The following MROH2A variants were observed in gnomAD, a reference collection of about 807,000 sequenced individuals.
MROH2A encodes maestro heat-like repeat-containing protein family member 2A.
A neutral mutation model predicts 200.4 loss-of-function variants in MROH2A; 174 were observed. The observed-to-expected ratio is 0.87, with a 90% CI of 0.77 to 0.98. MROH2A has a LOEUF of 0.98. Ranked by LOEUF, MROH2A falls within the 50% of genes least tolerant of loss-of-function variation. The pLI is 0.00. For missense variants in MROH2A, 2,045 were observed against 2,139.6 expected, an observed-to-expected ratio of 0.96 and a Z score of 0.87; for synonymous variants, 829 against 840.4, an observed-to-expected ratio of 0.99 and a Z score of 0.23.
At chr2:233,817,900 G>T in intron 27 of MROH2A, 102 bp from the exon 28 acceptor site, 1 of 1,398,678 alleles carries the variant, frequency 7.1e-7, no homozygotes, top group South Asian at 1.4e-5. Context: ...GTGTTTCAGA[G>T]CAGGGTTTGC....
At chr2:233,799,672 G>A (rs372893841) in intron 12 of MROH2A, 108 bp from the exon 13 acceptor site, 2 of 1,380,500 alleles carry the variant, frequency 1.4e-6, no homozygotes, top group African/African-American at 1.4e-5. Flanking sequence ...AGTCCCTGAG[G>A]CCCCTTCTAG....
At chr2:233,827,870 C>T (rs1355827885) in intron 35 of MROH2A, among the ~76,000 whole-genome samples, 6 of 151,762 alleles carry the variant, frequency 4.0e-5, no homozygotes, top group Admixed American at 2.0e-4. Context: ...GGAATTTTCC[C>T]TGAAGAGCAT....
intron 11 of MROH2A, 65 bp from the exon 12 acceptor site, chr2:233,798,708 TG>T: frequency 8.4e-7 from 1 of 1,185,544 alleles, no homozygotes; most frequent in Non-Finnish European, 1.2e-6. Context: ...GGCCCTGATG[TG>T]GGACGAGCCA....
intron 23 of MROH2A, among the ~76,000 whole-genome samples, chr2:233,811,658 T>A (rs1401225828): frequency 6.6e-6 from 1 of 152,218 alleles, no homozygotes; most frequent in East Asian, 1.9e-4. Flanking sequence ...ACACAGCAAG[T>A]AGATGAGCAG....
At chr2:233,831,238 A>T (rs993219194) in intron 38 of MROH2A, among the ~76,000 whole-genome samples, 171 bp from the exon 39 acceptor site, 1 of 152,210 alleles carries the variant, frequency 6.6e-6, no homozygotes, top group African/African-American at 2.4e-5. Flanking sequence ...AGCCATGTTC[A>T]AGCTGGCAGG....
chr2:233,800,376 A>G, intron 14 of MROH2A, 61 bp downstream of exon 14: 1 of 958,652 alleles, frequency 1.0e-6, no homozygotes, highest in Non-Finnish European at 1.6e-6. Flanking sequence ...GGTGAACCAC[A>G]CATGCCCAGA....
At chr2:233,790,406 C>CCCTTCCTTCCTCCCCTCTTTTCTTCTCT (rs1701644560) in intron 5 of MROH2A, among the ~76,000 whole-genome samples, 7 of 122,224 alleles carry the variant, frequency 5.7e-5, no homozygotes, top group Middle Eastern at 8.3e-3. Flanking sequence ...CTCCATCCCA[C>CCCTTCCTTCCTCCCCTCTTTTCTTCTCT]CCTTCCTTCC....
intron 11 of MROH2A, among the ~76,000 whole-genome samples, chr2:233,798,396 G>A (rs986880301): frequency 6.6e-6 from 1 of 152,184 alleles, no homozygotes; most frequent in African/African-American, 2.4e-5. Flanking sequence ...CCCAGGGAAG[G>A]CCTGGTGTCA....
intron 11 of MROH2A, 61 bp from the exon 12 acceptor site, chr2:233,798,713 C>A: frequency 8.0e-7 from 1 of 1,257,250 alleles, no homozygotes; most frequent in Non-Finnish European, 1.1e-6. Flanking sequence ...TGATGTGGGA[C>A]GAGCCACCTG....
At chr2:233,802,870 G>T (rs1702556781) in intron 15 of MROH2A, among the ~76,000 whole-genome samples, 1 of 152,238 alleles carries the variant, frequency 6.6e-6, no homozygotes, top group African/African-American at 2.4e-5. Context: ...GCAAAGGGCA[G>T]AGCCTGCTCT....
chr2:233,830,349 C>T (rs908954120), intron 38 of MROH2A, among the ~76,000 whole-genome samples: 22 of 152,200 alleles, frequency 1.4e-4, no homozygotes, highest in African/African-American at 5.1e-4. Context: ...TGACCTTGAC[C>T]GCCCTCTTCT....
chr2:233,796,042 C>T lies in MROH2A; in HGVS notation c.1135C>T (p.Leu379Phe). ...GGAGATGGTGCACTGCTTCGTAGCC[C>T]TTGGTGAGGCTCTGCGGCAGGGTGC... Reference protein sequence around the residue: ...LMEMVHCFVALARSYPKELMK... With the variant: ...LMEMVHCFVAFARSYPKELMK... The change falls in exon 10 of 42, where the codon CTT becomes TTT. Residue 379 changes from leucine (L) to phenylalanine (F), a missense_variant. Transcript: ENST00000389758. 1.9e-5 allele frequency: 30 copies of T among 1,550,430 alleles called. No homozygotes were observed. The highest frequency in any genetic ancestry group is 2.6e-5 in the Non-Finnish European group (30 of 1,146,876).
chr2:233,793,039 C>T (rs940167017), intron 6 of MROH2A, 145 bp downstream of exon 6: 19 of 814,516 alleles, frequency 2.3e-5, no homozygotes, highest in African/African-American at 6.9e-5. Flanking sequence ...TCTTTTACTT[C>T]GTGTGGCCTC....
Position 233,798,817 on chromosome 2 carries a change from A to G in MROH2A, c.1296A>G (p.Val432=), listed in dbSNP as rs112285400. ...GGGCCATCTACCTGGCTATCCGGGT[A>G]GTCAAGAACACCATCTCTGATACCC... ...SIRAIYLAIR[V]VKNTISDTRS... Residue 432 remains valine, a synonymous_variant, in exon 12 of 42, where the codon GTA becomes GTG. Coordinates refer to ENST00000389758, the MANE Select transcript of MROH2A (RefSeq NM_001394639.1). 1.8e-3 allele frequency: 2,749 copies of G among 1,550,448 alleles called. 36 individuals carry two copies. The African/African-American group carries it at 0.03, about 17-fold the overall frequency.
At chr2:233,795,900 C>A in intron 9 of MROH2A, 67 bp from the exon 10 acceptor site, 2 of 1,530,028 alleles carry the variant, frequency 1.3e-6, no homozygotes, top group South Asian at 2.4e-5. Flanking sequence ...CAGGTATGGT[C>A]AGCTGGGCTG....
At chr2:233,816,684 G>T in intron 26 of MROH2A, 97 bp from the exon 27 acceptor site, 1 of 695,894 alleles carries the variant, frequency 1.4e-6, no homozygotes, top group South Asian at 1.8e-5. Context: ...ATTGAAAGTC[G>T]ATCTGAGTAG....
At chr2:233,829,105 C>T (rs1296100891) in intron 37 of MROH2A, 33 bp downstream of exon 37, 2 of 1,474,448 alleles carry the variant, frequency 1.4e-6, no homozygotes, top group East Asian at 5.0e-5. Context: ...TGAGCTTGCT[C>T]AGTGAAGGAG....
chr2:233,832,797 G>A (rs213548), intron 41 of MROH2A, among the ~76,000 whole-genome samples, 153 bp downstream of exon 41: 46,174 of 151,892 alleles, frequency 0.3, 7,834 homozygotes, highest in South Asian at 0.49. Context: ...ATGCACCTGG[G>A]GAGGCCTTTC....
rs938084085 is a variant in MROH2A, at chr2:233,828,913, G to A, written c.4287G>A (p.Leu1429=). ...PKKVKQYRKV[L]LEKCLGPLRE... ...AGGTGAAGCAGTACCGGAAGGTCTT[G>A]CTGGAGAAGTGCCTGGGCCCCCTGA... The change falls in exon 37 of 42, where the codon TTG becomes TTA. Residue 1429 remains leucine, a synonymous_variant. Coordinates refer to ENST00000389758, the MANE Select transcript of MROH2A (RefSeq NM_001394639.1). This position sits in a 1 kb window ranked among gnomAD's most constrained non-coding sequence, Gnocchi z 4.6. 7.7e-6 allele frequency: 12 copies of A among 1,550,374 alleles called. No homozygotes were observed. Among genetic ancestry groups the A allele is most frequent in the Non-Finnish European group, 1.0e-5 (12 of 1,146,988 alleles).
Sources: gnomAD v4.1 joint callset for allele counts (sites outside exome capture counted in the v4.1 genomes callset) on GRCh38, gnomAD v4.1.1 for gene constraint, Gnocchi (gnomAD v3.1) non-coding constraint, MANE v1.5 for transcripts, NCBI Gene and HGNC (gene_info 2026-07-23, HGNC 2026-07-21) for gene names.